The following MPO variants were observed in gnomAD, a reference collection of about 807,000 sequenced individuals.
The protein encoded by MPO is myeloperoxidase.
Under a neutral mutation model 69.4 loss-of-function variants are expected in MPO, and 57 were observed. The ratio of observed to expected loss-of-function variants is 0.82; its 90% CI spans 0.66 to 1.02. The LOEUF (loss-of-function observed/expected upper bound fraction) is 1.02. Ranked by LOEUF, MPO falls within the 50% of genes least tolerant of loss-of-function variation. The pLI is 0.00. For missense variants in MPO, 971 were observed against 1,014.1 expected, an observed-to-expected ratio of 0.96 and a Z score of 0.58; for synonymous variants, 426 against 417.1, an observed-to-expected ratio of 1.02 and a Z score of -0.26.
intron 10 of MPO, among the ~76,000 whole-genome samples, chr17:58,272,138 A>G (rs922758437): frequency 6.6e-6 from 1 of 152,184 alleles, no homozygotes; most frequent in Admixed American, 6.5e-5. Context: ...CCCTCCTACC[A>G]TAAGGCAAAC....
chr17:58,272,985 G>A (rs968874158), intron 9 of MPO, 67 bp from the exon 10 acceptor site: 10 of 1,590,128 alleles, frequency 6.3e-6, no homozygotes, highest in Non-Finnish European at 7.7e-6. Context: ...ATTGGAGTCA[G>A]GGACAAGTCC....
chr17:58,274,290 T>C (rs1970406788), intron 8 of MPO: 2 of 456,022 alleles, frequency 4.4e-6, no homozygotes, highest in Non-Finnish European at 8.8e-6. Context: ...CTTGAGTTCT[T>C]AGTGCAAATC....
Position 58,270,511 on chromosome 17 carries a change from A to C in MPO, c.*145T>G. ...GCCAATTTATATACTTCGCACATACATGAGCACACAAATGAACGTCTAGTC... is the reference window on the plus strand; with the variant it reads ...GCCAATTTATATACTTCGCACATACCTGAGCACACAAATGAACGTCTAGTC... On this transcript the variant is annotated 3_prime_UTR_variant, in exon 12 of 12. Coordinates refer to ENST00000225275, the MANE Select transcript of MPO (RefSeq NM_000250.2). The surrounding 1 kb of genome is among the most constrained non-coding windows in gnomAD (Gnocchi z 4.1). The C allele has an allele frequency of 2.7e-6, 2 of 748,454 alleles. No individual in the cohort carries two copies. Among genetic ancestry groups the C allele is most frequent in the Non-Finnish European group, 4.8e-6 (2 of 420,978 alleles). The allele number at this position is 748,454 out of a possible 1,614,324, so 46.4% of individuals were successfully genotyped here.
intron 3 of MPO, 82 bp from the exon 4 acceptor site, chr17:58,279,728 C>T (rs1598043328): frequency 6.2e-7 from 1 of 1,613,376 alleles, no homozygotes; most frequent in Non-Finnish European, 8.5e-7. Context: ...GCCCTGGAGA[C>T]TCCTGAGACT....
Position 58,280,440 on chromosome 17 carries a change from G to A in MPO, c.174C>T (p.Asp58=), listed in dbSNP as rs755987063. 1.1e-5 allele frequency: 17 copies of A among 1,614,060 alleles called. No homozygotes were observed. Among genetic ancestry groups the A allele is most frequent in the Non-Finnish European group, 1.3e-5 (15 of 1,179,998 alleles). ...GAAPAVLGEV[D]TSLVLSSMEE... is the part of the protein sequence containing the mutation. Reference sequence around the variant, plus strand: ...CCATGGAGCTCAGCACCAACGAGGTGTCCACCTCCCCCAGGACAGCTGCCC... The same window carrying A: ...CCATGGAGCTCAGCACCAACGAGGTATCCACCTCCCCCAGGACAGCTGCCC... Residue 58 remains aspartate (D), a synonymous_variant, in exon 2 of 12, where the codon GAC becomes GAT. Transcript: ENST00000225275.
In MPO at chr17:58,280,650, G is replaced by C; in HGVS notation, c.109C>G (p.Leu37Val). 6 of 1,614,234 alleles carry C rather than the reference G, an allele frequency of 3.7e-6. No individual in the cohort carries two copies. Among genetic ancestry groups the C allele is most frequent in the Non-Finnish European group, 5.1e-6 (6 of 1,180,048 alleles). ...MKLLLALAGLLAILATPQPSE... is the reference protein window; with the variant it reads ...MKLLLALAGLVAILATPQPSE... ...GGCTGGGGCGTGGCCAGAATGGCCAGGAGCCCTGCTAGGGCCAGAAGCAGC... is the reference window on the plus strand; with the variant it reads ...GGCTGGGGCGTGGCCAGAATGGCCACGAGCCCTGCTAGGGCCAGAAGCAGC... Residue 37 changes from leucine to valine, a missense_variant, in exon 1 of 12, where the codon CTG (leucine) becomes GTG (valine). By Grantham distance (32) the Leu-to-Val change is conservative (BLOSUM62 1). Coordinates refer to ENST00000225275, the MANE Select transcript of MPO (RefSeq NM_000250.2).
Position 58,279,209 on chromosome 17 carries a change from GCGAGCC to G in MPO, c.679-1_683del, listed in dbSNP as rs777213610. On this transcript the variant is annotated splice_acceptor_variant and coding_sequence_variant, in exon 6 of 12. Transcript: ENST00000225275. LOFTEE classifies it high-confidence loss of function. The stretch of plus-strand genomic sequence containing the variant: ...AGCGCACGATCTCGTTGGAGACCGC[GCGAGCC>G]TGCGGGACACGGAGATCAGCTGGCG... 6 of 1,600,622 alleles carry G rather than the reference GCGAGCC, an allele frequency of 3.7e-6. No individual in the cohort carries two copies. The highest frequency in any genetic ancestry group is 5.1e-6 in the Non-Finnish European group (6 of 1,173,938).
chr17:58,280,261 T>C (rs1298617958), intron 2 of MPO, 105 bp downstream of exon 2: 15 of 1,181,274 alleles, frequency 1.3e-5, no homozygotes, highest in Non-Finnish European at 1.6e-5. Context: ...TCCACATGGG[T>C]CCCCATAGTC....
At chr17:58,276,674 C>A (rs1970442539) in intron 7 of MPO, among the ~76,000 whole-genome samples, 1 of 152,112 alleles carries the variant, frequency 6.6e-6, no homozygotes, top group South Asian at 2.1e-4. Context: ...CAGAAGAGGT[C>A]GGGCATCTCT....
Position 58,280,659 on chromosome 17 carries a change from C to G in MPO, c.100G>C (p.Ala34Pro), listed in dbSNP as rs1970506991. 1.2e-6 allele frequency: 2 copies of G among 1,614,054 alleles called. No individual in the cohort carries two copies. Among genetic ancestry groups the G allele is most frequent in the African/African-American group, 1.3e-5 (1 of 74,940 alleles). Residue 34 changes from alanine (A) to proline (P), a missense_variant, in exon 1 of 12, where the codon GCA becomes CCA. Ala to Pro is a conservative substitution (Grantham distance 27). Coordinates refer to ENST00000225275, the MANE Select transcript of MPO (RefSeq NM_000250.2). ...GTGGCCAGAATGGCCAGGAGCCCTG[C>G]TAGGGCCAGAAGCAGCTTCATCTCT... is the stretch of plus-strand genomic sequence containing the variant. ...TAEMKLLLALAGLLAILATPQ... is the reference protein window; with the variant it reads ...TAEMKLLLALPGLLAILATPQ...
At position 58,279,096 on chromosome 17, in the gene MPO, G is replaced by T; in HGVS notation, c.797C>A (p.Thr266Asn). 6.2e-7 allele frequency: 1 copy of T among 1,613,178 alleles called. No homozygotes were observed. The highest frequency in any genetic ancestry group is 2.2e-5 in the East Asian group (1 of 44,854). The change falls in exon 6 of 12, where the codon ACC becomes AAC. Residue 266 changes from threonine (T) to asparagine (N), a missense_variant. Transcript: ENST00000225275. ...GGAGGCCCGGGCGGCCGGCTCAGGG[G>T]TGAAGTCGAGGTCGTGGTCCAACAG... Reference protein sequence around the residue: ...GQLLDHDLDFTPEPAARASFV... With the variant: ...GQLLDHDLDFNPEPAARASFV...
rs756588651 is a variant in MPO at position 58,278,964 on chromosome 17, T to C, written c.885+44A>G. 5.1e-6 allele frequency: 8 copies of C among 1,563,414 alleles called. No homozygotes were observed. The East Asian group carries it at 1.6e-4, about 32-fold the overall frequency. On this transcript the variant is annotated intron_variant, in intron 6 of 11. Coordinates refer to ENST00000225275, the MANE Select transcript of MPO (RefSeq NM_000250.2). The stretch of plus-strand genomic sequence containing the variant: ...GGGAGATGGCCCCTTCCAGAAACAA[T>C]CTCCCCTCTCCCAACCCAGGCAGTG...
rs1567826088 is a variant in MPO, at chr17:58,270,400, C to CAGCACAAACACACACTCACATAAAT, written c.*231_*255dup. 5 of 507,054 alleles carry CAGCACAAACACACACTCACATAAAT rather than the reference C, an allele frequency of 9.9e-6. No individual in the cohort carries two copies. The highest frequency in any genetic ancestry group is 3.0e-5 in the Admixed American group (1 of 33,858). 31.4% of individuals were successfully genotyped at this position (507,054 alleles called of 1,614,324 possible). On this transcript the variant is annotated 3_prime_UTR_variant, in exon 12 of 12. Coordinates refer to ENST00000225275, the MANE Select transcript of MPO (RefSeq NM_000250.2). The surrounding 1 kb of genome is among the most constrained non-coding windows in gnomAD (Gnocchi z 4.1). ...CCTTCCACATACTCAGTATTCTCATCAGCACAAACACACACTCACATAAAT... is the reference window on the plus strand; with the variant it reads ...CCTTCCACATACTCAGTATTCTCATCAGCACAAACACACACTCACATAAATAGCACAAACACACACTCACATAAAT...
In MPO at chr17:58,279,604, C is replaced by T; in HGVS notation, c.467G>A (p.Ser156Asn). 6.2e-7 allele frequency: 1 copy of T among 1,614,180 alleles called. No homozygotes were observed. ...PAQLNVLSKS[S>N]GCAYQDVGVT... is the part of the protein sequence containing the mutation. ...CCCCACGTCCTGGTAGGCGCAGCCGCTTGACTTGGACAACACATTCAGCTG... is the reference window on the plus strand; with the variant it reads ...CCCCACGTCCTGGTAGGCGCAGCCGTTTGACTTGGACAACACATTCAGCTG... Residue 156 changes from serine to asparagine, a missense_variant, in exon 4 of 12, where the codon AGC becomes AAC. Transcript: ENST00000225275.
rs866183429 is a variant in MPO at position 58,279,210 on chromosome 17, C to T, written c.683G>A (p.Arg228His). 2 of 1,600,218 alleles carry T rather than the reference C, an allele frequency of 1.2e-6. No homozygotes were observed. The highest frequency in any genetic ancestry group is 1.7e-6 in the Non-Finnish European group (2 of 1,173,842). The change falls in exon 6 of 12, where the codon CGC becomes CAC. Residue 228 changes from arginine (R) to histidine (H), a missense_variant. Coordinates refer to ENST00000225275, the MANE Select transcript of MPO (RefSeq NM_000250.2). ...KRNGFPVALA[R>H]AVSNEIVRFP... is the part of the protein sequence containing the mutation. ...GCGCACGATCTCGTTGGAGACCGCG[C>T]GAGCCTGCGGGACACGGAGATCAGC...
chr17:58,275,767 A>G lies in MPO; in HGVS notation c.1205-65T>C. 6.3e-7 allele frequency: 1 copy of G among 1,592,844 alleles called. No homozygotes were observed. Among genetic ancestry groups the G allele is most frequent in the South Asian group, 1.1e-5 (1 of 89,020 alleles). On this transcript the variant is annotated intron_variant, in intron 7 of 11. Transcript: ENST00000225275. This position sits in a 1 kb window ranked among gnomAD's most constrained non-coding sequence, Gnocchi z 4.1. ...ATCCCAGAAAAGATTTGCTCCACTG[A>G]AACCCCCTCCCCAGCCAAGGCCTGA... is the stretch of plus-strand genomic sequence containing the variant.
At chr17:58,272,439 A>C (rs954998354) in intron 10 of MPO, among the ~76,000 whole-genome samples, 1 of 152,202 alleles carries the variant, frequency 6.6e-6, no homozygotes, top group African/African-American at 2.4e-5. Context: ...CTTCCCCCAG[A>C]GTTAACGTAC....
rs759475247 is a variant in MPO, at chr17:58,279,652, G to A, written c.425-6C>T. 6.2e-7 allele frequency: 1 copy of A among 1,614,054 alleles called. No individual in the cohort carries two copies. Among genetic ancestry groups the A allele is most frequent in the Non-Finnish European group, 8.5e-7 (1 of 1,180,008 alleles). The stretch of plus-strand genomic sequence containing the variant: ...CTGGGCGGGCGTCAGCACATCTGCC[G>A]GGGGAAAGAACAATGGGGGAGCTGA... On this transcript the variant is annotated splice_polypyrimidine_tract_variant and splice_region_variant and intron_variant, in intron 3 of 11. Coordinates refer to ENST00000225275, the MANE Select transcript of MPO (RefSeq NM_000250.2).
chr17:58,278,040 T>C lies in MPO; in HGVS notation c.991A>G (p.Asn331Asp), dbSNP rs1335632033. The C allele has an allele frequency of 4.3e-6, 7 of 1,613,542 alleles. No individual in the cohort carries two copies. The highest frequency in any genetic ancestry group is 5.9e-6 in the Non-Finnish European group (7 of 1,180,018). ...GSNITIRNQI[N>D]ALTSFVDASM... ...GCGTCCACGAAGGAAGTGAGCGCGTTGATCTGGTTGCGGATGGTGATGTTG... is the reference window on the plus strand; with the variant it reads ...GCGTCCACGAAGGAAGTGAGCGCGTCGATCTGGTTGCGGATGGTGATGTTG... Residue 331 changes from asparagine (N) to aspartate (D), a missense_variant, in exon 7 of 12, where the codon AAC (asparagine) becomes GAC (aspartate). By Grantham distance (23) the Asn-to-Asp change is conservative. Transcript: ENST00000225275.
Sources: gnomAD v4.1 joint callset for allele counts (sites outside exome capture counted in the v4.1 genomes callset) on GRCh38, gnomAD v4.1.1 for gene constraint, Gnocchi (gnomAD v3.1) non-coding constraint, MANE v1.5 for transcripts, NCBI Gene and HGNC (gene_info 2026-07-23, HGNC 2026-07-21) for gene names.